Variants in NRXN1 observed in about 807,000 individuals in gnomAD.
NRXN1 encodes neurexin 1, also known as neurexin-1.
A neutral mutation model predicts 150.9 loss-of-function variants in NRXN1; 39 were observed. The observed-to-expected ratio is 0.26, with a 90% CI of 0.20 to 0.34. The LOEUF is 0.34. NRXN1 is among the 10% of genes least tolerant of loss of function. The probability of loss-of-function intolerance (pLI) is 1.00; values close to 1 mark genes in which losing one functional copy is unlikely to be tolerated. For missense variants in NRXN1, 1,815 were observed against 1,949.9 expected (o/e 0.93, Z 1.30); for synonymous variants, 924 against 757.0 (o/e 1.22, Z -3.62).
chr2:50,571,570 C>T (rs1334775041), intron 8 of NRXN1, among the ~76,000 whole-genome samples: 4 of 151,920 alleles, frequency 2.6e-5, no homozygotes, highest in Admixed American at 1.3e-4. Flanking sequence ...TGTTCAGTTT[C>T]GGATCTGCTA....
chr2:50,908,107 T>C (rs1244525714), intron 5 of NRXN1, among the ~76,000 whole-genome samples: 1 of 152,068 alleles, frequency 6.6e-6, no homozygotes, highest in Non-Finnish European at 1.5e-5. Flanking sequence ...CAAGCCTTAT[T>C]TATGTTTGTA....
chr2:50,850,255 T>G (rs562845163), intron 5 of NRXN1, among the ~76,000 whole-genome samples: 10 of 151,470 alleles, frequency 6.6e-5, no homozygotes, highest in African/African-American at 2.4e-4. Context: ...AAAAAGGTGT[T>G]TTGTTGTTGT....
At chr2:50,189,051 T>TA (rs2061277685) in intron 18 of NRXN1, among the ~76,000 whole-genome samples, 1 of 152,114 alleles carries the variant, frequency 6.6e-6, no homozygotes, top group Non-Finnish European at 1.5e-5. Flanking sequence ...CATTCTACTA[T>TA]AAAGACACAT....
intron 8 of NRXN1, among the ~76,000 whole-genome samples, chr2:50,571,155 T>C (rs1670605712): frequency 6.6e-6 from 1 of 152,194 alleles, no homozygotes; most frequent in Non-Finnish European, 1.5e-5. Flanking sequence ...GTCTAGTTGA[T>C]ACCAGGAAGG....
chr2:50,776,647 TATACAC>T (rs1031948443), intron 5 of NRXN1, among the ~76,000 whole-genome samples: 9 of 136,468 alleles, frequency 6.6e-5, no homozygotes, highest in African/African-American at 2.1e-4. Context: ...TATATATATA[TATACAC>T]ATACACACAC....
At chr2:50,360,823 C>T (rs1231820120) in intron 17 of NRXN1, among the ~76,000 whole-genome samples, 1 of 152,176 alleles carries the variant, frequency 6.6e-6, no homozygotes, top group East Asian at 1.9e-4. Context: ...CTTCTCAGCA[C>T]CACATTGCCC....
chr2:50,981,938 A>G (rs1696895623), intron 2 of NRXN1, among the ~76,000 whole-genome samples: 1 of 151,994 alleles, frequency 6.6e-6, no homozygotes, highest in African/African-American at 2.4e-5. Context: ...AAATCCAGAT[A>G]TCTTAAAAAG....
In NRXN1 at chr2:50,533,638, G is replaced by A. The variant is rs533440191; in HGVS notation, c.2144-2208C>T. 2.1e-4 allele frequency among the ~76,000 whole-genome samples: 32 copies of A among 152,162 alleles called. No individual in the cohort carries two copies. In the Middle Eastern group the frequency reaches 0.017, roughly 81 times the overall value. On this transcript the variant is annotated intron_variant, in intron 10 of 22. Coordinates refer to ENST00000401669, the MANE Select transcript of NRXN1 (RefSeq NM_001330078.2). ...CACCACTGTAGTAGCTCCCTCAACC[G>A]TGTTCCTACTTTTTTAAACCTACAA...
Position 50,815,699 on chromosome 2 carries a change from T to C in NRXN1, c.832+106170A>G, listed in dbSNP as rs115594050. ...GTATTTGTGTGTATGTATATGTGTG[T>C]ATTTTAAGAGAGTGAATATCCATGA... On this transcript the variant is annotated intron_variant, in intron 5 of 22. Transcript: ENST00000401669. 2.4e-3 allele frequency among the ~76,000 whole-genome samples: 366 copies of C among 152,308 alleles called. 4 individuals are homozygous for C. The highest frequency in any genetic ancestry group is 2.9e-3 in the Non-Finnish European group (196 of 68,012).
chr2:50,010,808 C>T (rs946656759), intron 21 of NRXN1, among the ~76,000 whole-genome samples: 4 of 152,110 alleles, frequency 2.6e-5, no homozygotes, highest in African/African-American at 7.2e-5. Context: ...CTACAGAAAG[C>T]TACCCTGAAG....
chr2:50,190,234 T>C (rs759956108), intron 18 of NRXN1, among the ~76,000 whole-genome samples: 10 of 152,186 alleles, frequency 6.6e-5, no homozygotes, highest in Admixed American at 2.0e-4. Context: ...AGAGTAAGAA[T>C]ATATTTCAAC....
chr2:50,294,485 T>C (rs1438529677), intron 17 of NRXN1, among the ~76,000 whole-genome samples: 2 of 152,166 alleles, frequency 1.3e-5, no homozygotes, highest in Non-Finnish European at 2.9e-5. Flanking sequence ...AAAAAAGCAT[T>C]TACTATATGC....
chr2:49,978,416 G>A (rs1157088154), intron 21 of NRXN1, among the ~76,000 whole-genome samples: 1 of 152,112 alleles, frequency 6.6e-6, no homozygotes, highest in Non-Finnish European at 1.5e-5. Flanking sequence ...CTCTCACGAA[G>A]TGTCTCTATC....
At chr2:50,849,647 G>A (rs1362001846) in intron 5 of NRXN1, among the ~76,000 whole-genome samples, 1 of 152,124 alleles carries the variant, frequency 6.6e-6, no homozygotes, top group East Asian at 1.9e-4. Context: ...CTTGATCCCT[G>A]TTGCAATAAT....
At position 50,673,508 on chromosome 2, in the gene NRXN1, G is replaced by A. The variant is rs1408817694; in HGVS notation, c.833-49893C>T. 3.3e-5 allele frequency among the ~76,000 whole-genome samples: 5 copies of A among 152,054 alleles called. No individual in the cohort carries two copies. The East Asian group carries it at 7.7e-4, about 23-fold the overall frequency. On this transcript the variant is annotated intron_variant, in intron 5 of 22. Coordinates refer to ENST00000401669, the MANE Select transcript of NRXN1 (RefSeq NM_001330078.2). ...CCCCCATTCTATGCAGAATACAAGAGAAAGGTAATCTTCAGTACTGCTCAT... is the reference window on the plus strand; with the variant it reads ...CCCCCATTCTATGCAGAATACAAGAAAAAGGTAATCTTCAGTACTGCTCAT...
chr2:50,399,815 A>ATTCTC, intron 17 of NRXN1, among the ~76,000 whole-genome samples: 1 of 40,376 alleles, frequency 2.5e-5, no homozygotes, highest in African/African-American at 9.1e-5. Context: ...AAAAAAAAAA[A>ATTCTC]AAAAAAAAAA....
chr2:50,538,757 T>A, intron 9 of NRXN1, 121 bp from the exon 10 acceptor site: 1 of 777,644 alleles, frequency 1.3e-6, no homozygotes, highest in South Asian at 5.2e-5. Context: ...TTATTATTCT[T>A]TCTGTCCTCA....
chr2:50,088,191 C>A (rs1228214001), intron 19 of NRXN1, among the ~76,000 whole-genome samples: 1 of 152,256 alleles, frequency 6.6e-6, no homozygotes, highest in African/African-American at 2.4e-5. Context: ...CACCGTGTCA[C>A]AAAAACTTTA....
chr2:50,517,463 G>C (rs939124589), intron 12 of NRXN1, among the ~76,000 whole-genome samples: 1 of 151,974 alleles, frequency 6.6e-6, no homozygotes, highest in Non-Finnish European at 1.5e-5. Context: ...ATTAAGCCAA[G>C]TAGTTGATGA....
Sources: allele counts gnomAD v4.1 joint callset (sites outside exome capture counted in the v4.1 genomes callset), GRCh38; gene constraint gnomAD v4.1.1; transcripts MANE v1.5; gene names NCBI Gene and HGNC (gene_info 2026-07-23, HGNC 2026-07-21).